Variants in ZCCHC7 observed in about 807,000 individuals in gnomAD.
ZCCHC7 encodes zinc finger CCHC-type containing 7, also known as zinc finger CCHC domain-containing protein 7.
Under a neutral mutation model 52.0 loss-of-function variants are expected in ZCCHC7, and 35 were observed. The observed-to-expected ratio is 0.67, with a 90% CI of 0.51 to 0.89. The LOEUF is 0.89. Ranked by LOEUF, ZCCHC7 falls within the 40% of genes least tolerant of loss-of-function variation. ZCCHC7 has a pLI of 0.00. For missense variants in ZCCHC7, 574 were observed against 649.1 expected (o/e 0.88, Z 1.26); for synonymous variants, 217 against 221.5 (o/e 0.98, Z 0.18).
At chr9:37,336,922 T>C (rs534699926) in intron 6 of ZCCHC7, among the ~76,000 whole-genome samples, 2 of 152,260 alleles carry the variant, frequency 1.3e-5, no homozygotes, top group East Asian at 1.9e-4. Flanking sequence ...TTGTCCATCA[T>C]TGTTTGGGGT....
chr9:37,291,600 A>G (rs1206386204), intron 2 of ZCCHC7, among the ~76,000 whole-genome samples: 1 of 152,188 alleles, frequency 6.6e-6, no homozygotes, highest in Non-Finnish European at 1.5e-5. Context: ...TAGAAATGAA[A>G]AATTTTTTTT....
At chr9:37,311,064 C>G (rs1829578135) in intron 5 of ZCCHC7, among the ~76,000 whole-genome samples, 2 of 151,868 alleles carry the variant, frequency 1.3e-5, no homozygotes, top group South Asian at 2.1e-4. Flanking sequence ...TTTAAAAAAC[C>G]CCTGGGGATC....
intron 2 of ZCCHC7, among the ~76,000 whole-genome samples, chr9:37,195,616 A>ATTTT (rs1424140190): frequency 6.6e-6 from 1 of 152,228 alleles, no homozygotes; most frequent in Non-Finnish European, 1.5e-5. Context: ...GGGAACTTAA[A>ATTTT]TATGTCGAGG....
At chr9:37,269,703 CAG>C (rs1282457213) in intron 2 of ZCCHC7, among the ~76,000 whole-genome samples, 1 of 144,448 alleles carries the variant, frequency 6.9e-6, no homozygotes, top group Admixed American at 7.1e-5. Flanking sequence ...AGTGAGGTGA[CAG>C]TGAAGAAAGA....
At chr9:37,238,670 T>C (rs547424564) in intron 2 of ZCCHC7, among the ~76,000 whole-genome samples, 16 of 152,308 alleles carry the variant, frequency 1.1e-4, no homozygotes, top group Non-Finnish European at 1.6e-4. Context: ...ATTTTGCTAT[T>C]ATTCAGGAGA....
chr9:37,304,431 A>C, intron 4 of ZCCHC7, 118 bp downstream of exon 4: 1 of 1,220,370 alleles, frequency 8.2e-7, no homozygotes, highest in Non-Finnish European at 1.1e-6. Context: ...AGGCAGGTGG[A>C]TCATGAGGTC....
intron 6 of ZCCHC7, among the ~76,000 whole-genome samples, chr9:37,337,257 G>T (rs970301291): frequency 6.6e-6 from 1 of 152,128 alleles, no homozygotes; most frequent in Non-Finnish European, 1.5e-5. Context: ...AATTGGTAAT[G>T]ACAGCAGTGG....
chr9:37,305,360 T>C (rs572213084), intron 4 of ZCCHC7, among the ~76,000 whole-genome samples, 184 bp from the exon 5 acceptor site: 93 of 152,344 alleles, frequency 6.1e-4, no homozygotes, highest in East Asian at 3.8e-3. Context: ...CTAAGCCTTT[T>C]TGGCAAACAA....
intron 2 of ZCCHC7, among the ~76,000 whole-genome samples, chr9:37,170,930 A>C (rs1216458444): frequency 2.6e-5 from 4 of 152,220 alleles, no homozygotes; most frequent in African/African-American, 9.6e-5. Flanking sequence ...TCAAAAGCTC[A>C]AAAGGTTTAA....
intron 2 of ZCCHC7, among the ~76,000 whole-genome samples, chr9:37,286,104 T>G (rs1828195968): frequency 6.6e-6 from 1 of 152,198 alleles, no homozygotes; most frequent in Non-Finnish European, 1.5e-5. Flanking sequence ...GAAATGAAAT[T>G]GTTGAAATGA....
chr9:37,227,133 CTT>C lies in ZCCHC7; in HGVS notation c.611-75054_611-75053del, dbSNP rs1554715768. Among the ~76,000 whole-genome samples, 8 of 151,340 alleles carry C rather than the reference CTT, an allele frequency of 5.3e-5. No individual in the cohort carries two copies. In the South Asian group the frequency reaches 1.2e-3, roughly 24 times the overall value. Reference sequence around the variant, plus strand: ...TAAAAAGAAAAATATAAAATTTGGACTTAATCAAAATTTAAAATATGTAGACT... The same window carrying C: ...TAAAAAGAAAAATATAAAATTTGGACAATCAAAATTTAAAATATGTAGACT... On this transcript the variant is annotated intron_variant, in intron 2 of 8. Transcript: ENST00000336755.
intron 2 of ZCCHC7, among the ~76,000 whole-genome samples, chr9:37,222,684 T>G (rs13284651): frequency 0.37 from 56,158 of 151,806 alleles, 10,844 homozygotes; most frequent in Middle Eastern, 0.45. Context: ...CTTAACTACA[T>G]CTGCATGAAC....
chr9:37,191,493 C>T (rs1033108469), intron 2 of ZCCHC7, among the ~76,000 whole-genome samples: 5 of 152,080 alleles, frequency 3.3e-5, no homozygotes, highest in Non-Finnish European at 7.4e-5. Flanking sequence ...ATGTCCCCTA[C>T]TCCCACCCCA....
At position 37,258,757 on chromosome 9, in the gene ZCCHC7, T is replaced by TAAAAAA. The variant is rs5897683; in HGVS notation, c.611-43408_611-43403dup. 6.1e-4 allele frequency among the ~76,000 whole-genome samples: 34 copies of TAAAAAA among 55,358 alleles called. 2 individuals are homozygous for TAAAAAA. Among genetic ancestry groups the TAAAAAA allele is most frequent in the African/African-American group, 2.4e-3 (28 of 11,622 alleles). 36.3% of individuals were successfully genotyped at this position (55,358 alleles called of 152,430 possible). A position where few individuals can be genotyped will look rare whatever the true frequency, so the allele number is the denominator to read the frequency against. ...GGTGAGAGAGCGAGATCCTGTCTCTTAAAAAAAAAAAAAAAAAAAAAAAAA... is the reference window on the plus strand; with the variant it reads ...GGTGAGAGAGCGAGATCCTGTCTCTTAAAAAAAAAAAAAAAAAAAAAAAAAAAAAAA... On this transcript the variant is annotated intron_variant, in intron 2 of 8. Coordinates refer to ENST00000336755, the MANE Select transcript of ZCCHC7 (RefSeq NM_032226.3).
chr9:37,305,571 A>G lies in ZCCHC7; in HGVS notation c.808A>G (p.Arg270Gly). The change falls in exon 5 of 9, where the codon AGG becomes GGG. Residue 270 changes from arginine to glycine, a missense_variant. Transcript: ENST00000336755. The stretch of plus-strand genomic sequence containing the variant: ...AGTTCGTCGCTGCTTCCTGTGCTCC[A>G]GGAGAGGACATCTCCTGTATTCCTG... ...RKVRRCFLCSRRGHLLYSCPA... is the reference protein window; with the variant it reads ...RKVRRCFLCSGRGHLLYSCPA... 7 of 1,614,046 alleles carry G rather than the reference A, an allele frequency of 4.3e-6. No homozygotes were observed. Among genetic ancestry groups the G allele is most frequent in the Non-Finnish European group, 5.9e-6 (7 of 1,180,002 alleles).
At chr9:37,347,705 G>C (rs1588704672) in intron 6 of ZCCHC7, among the ~76,000 whole-genome samples, 1 of 151,670 alleles carries the variant, frequency 6.6e-6, no homozygotes. Context: ...TGCTCTTTTT[G>C]TAGTTTTACC....
At chr9:37,165,107 G>A (rs1311995634) in intron 2 of ZCCHC7, among the ~76,000 whole-genome samples, 1 of 152,110 alleles carries the variant, frequency 6.6e-6, no homozygotes, top group Non-Finnish European at 1.5e-5. Flanking sequence ...ATTTTTTGAT[G>A]CTATTGTGAA....
At chr9:37,342,840 A>T (rs557610130) in intron 6 of ZCCHC7, among the ~76,000 whole-genome samples, 1 of 152,370 alleles carries the variant, frequency 6.6e-6, no homozygotes, top group East Asian at 1.9e-4. Context: ...AAGGTCACAT[A>T]GTCAGTAAAT....
At chr9:37,228,468 G>A (rs540945076) in intron 2 of ZCCHC7, among the ~76,000 whole-genome samples, 160 of 151,302 alleles carry the variant, frequency 1.1e-3, no homozygotes, top group African/African-American at 3.8e-3. Flanking sequence ...CTGCAGCCTC[G>A]AACTCCTAGG....
Sources: allele counts gnomAD v4.1 joint callset (sites outside exome capture counted in the v4.1 genomes callset), GRCh38; gene constraint gnomAD v4.1.1; transcripts MANE v1.5; gene names NCBI Gene and HGNC (gene_info 2026-07-23, HGNC 2026-07-21).